Variants in DPYD observed in about 807,000 individuals in gnomAD.
DPYD encodes dihydropyrimidine dehydrogenase [NADP(+)].
A neutral mutation model predicts 116.2 loss-of-function variants in DPYD; 109 were observed. The ratio of observed to expected loss-of-function variants is 0.94; its 90% confidence interval spans 0.80 to 1.10. The LOEUF is 1.10. Ranked by LOEUF, DPYD falls within the 50% of genes least tolerant of loss-of-function variation. The pLI, the probability that DPYD is intolerant of heterozygous loss-of-function variation, is 0.00. For missense variants in DPYD, 1,302 were observed against 1,254.5 expected (o/e 1.04, Z -0.57); for synonymous variants, 440 against 432.0 (o/e 1.02, Z -0.23).
At chr1:97,460,908 G>T (rs972720647) in intron 13 of DPYD, among the ~76,000 whole-genome samples, 1 of 151,878 alleles carries the variant, frequency 6.6e-6, no homozygotes, top group African/African-American at 2.4e-5. Context: ...ATGGTGGCAG[G>T]CCCCTGTAAT....
intron 19 of DPYD, among the ~76,000 whole-genome samples, chr1:97,228,973 G>A (rs553090344): frequency 2.2e-4 from 34 of 151,800 alleles, no homozygotes; most frequent in Non-Finnish European, 2.6e-4. Context: ...CGAGGTGGGC[G>A]GATCACGAGG....
intron 14 of DPYD, among the ~76,000 whole-genome samples, chr1:97,441,727 AT>A (rs1255429202): frequency 1.3e-5 from 2 of 152,096 alleles, no homozygotes; most frequent in Non-Finnish European, 2.9e-5. Context: ...ATAACAGGTA[AT>A]TTTTTATTGA....
Position 97,234,848 on chromosome 1 carries a change from C to A in DPYD, c.2442+4G>T, listed in dbSNP as rs759864629. On this transcript the variant is annotated splice_donor_region_variant and intron_variant, in intron 19 of 22. Coordinates refer to ENST00000370192, the MANE Select transcript of DPYD (RefSeq NM_000110.4). ...TAAAAGGGACAGACAAACACAATGA[C>A]TACCTGGAGGACGGAAGCACCACTA... 1.2e-6 allele frequency: 2 copies of A among 1,613,720 alleles called. No individual in the cohort carries two copies. The highest frequency in any genetic ancestry group is 2.2e-5 in the South Asian group (2 of 91,044).
At chr1:97,401,435 T>C (rs1337530090) in intron 14 of DPYD, among the ~76,000 whole-genome samples, 1 of 152,098 alleles carries the variant, frequency 6.6e-6, no homozygotes, top group African/African-American at 2.4e-5. Flanking sequence ...TGTCTCAGCC[T>C]CCTGAGTAGC....
At chr1:97,415,132 A>G (rs1674220845) in intron 14 of DPYD, among the ~76,000 whole-genome samples, 1 of 150,942 alleles carries the variant, frequency 6.6e-6, no homozygotes, top group Non-Finnish European at 1.5e-5. Context: ...AAAGCAAACA[A>G]AACTCTACAA....
intron 16 of DPYD, chr1:97,322,861 C>T (rs1668381323): frequency 3.9e-5 from 6 of 152,010 alleles, no homozygotes; most frequent in Admixed American, 3.9e-4. Flanking sequence ...GTAAGACATA[C>T]AGCAGCTCTA....
At chr1:97,156,607 T>A (rs1485321708) in intron 20 of DPYD, among the ~76,000 whole-genome samples, 1 of 152,122 alleles carries the variant, frequency 6.6e-6, no homozygotes, top group African/African-American at 2.4e-5. Context: ...CATTAAAAAG[T>A]CAGTAAACAA....
chr1:97,591,184 T>C (rs556958309), intron 10 of DPYD, among the ~76,000 whole-genome samples: 217 of 152,316 alleles, frequency 1.4e-3, no homozygotes, highest in African/African-American at 4.8e-3. Context: ...ATCGGAGAGG[T>C]CTTCCAGGGC....
chr1:97,139,205 C>T (rs1570533040), intron 20 of DPYD, among the ~76,000 whole-genome samples: 1 of 152,058 alleles, frequency 6.6e-6, no homozygotes, highest in Non-Finnish European at 1.5e-5. Context: ...TTCGGTTCAT[C>T]GGTGATGAAC....
In DPYD at chr1:97,753,148, A is replaced by G. The variant is rs1045402168; in HGVS notation, c.234-12669T>C. On this transcript the variant is annotated intron_variant, in intron 3 of 22. Transcript: ENST00000370192. ...CTCATTTAATTTTCATAATCACTCA[A>G]TGAGGTAGATATAAATATTAACTCC... Among the ~76,000 whole-genome samples the G allele has an allele frequency of 2.6e-4, 40 of 152,314 alleles. 1 individual carries two copies. The highest frequency in any genetic ancestry group is 4.1e-4 in the South Asian group (2 of 4,830).
chr1:97,195,458 G>A (rs1395241206), intron 19 of DPYD, among the ~76,000 whole-genome samples: 1 of 146,160 alleles, frequency 6.8e-6, no homozygotes, highest in African/African-American at 2.5e-5. Context: ...ATTGTTGCTA[G>A]GTTGGTTGAG....
chr1:97,202,146 ATGT>A (rs776493368), intron 19 of DPYD, among the ~76,000 whole-genome samples: 3 of 152,132 alleles, frequency 2.0e-5, no homozygotes, highest in Non-Finnish European at 2.9e-5. Context: ...AGCCCCGGAG[ATGT>A]TGTTTTTCAA....
intron 13 of DPYD, among the ~76,000 whole-genome samples, chr1:97,487,448 C>T (rs555475260): frequency 2.0e-4 from 30 of 151,996 alleles, no homozygotes; most frequent in South Asian, 6.2e-4. Flanking sequence ...CCAAGGCGGG[C>T]GGATCACGAG....
chr1:97,257,792 A>G (rs1171026049), intron 18 of DPYD, among the ~76,000 whole-genome samples: 1 of 152,082 alleles, frequency 6.6e-6, no homozygotes, highest in Non-Finnish European at 1.5e-5. Context: ...AGCTGGTGAC[A>G]TAAATAGGAG....
chr1:97,288,407 C>G (rs1185752301), intron 18 of DPYD, among the ~76,000 whole-genome samples: 9 of 151,796 alleles, frequency 5.9e-5, no homozygotes, highest in Non-Finnish European at 8.8e-5. Context: ...CACACCACAC[C>G]TATTCCAAAA....
intron 19 of DPYD, among the ~76,000 whole-genome samples, chr1:97,211,128 C>T (rs7528631): frequency 0.046 from 7,052 of 152,222 alleles, 224 homozygotes; most frequent in African/African-American, 0.094. Flanking sequence ...AAAATGGGAA[C>T]ACTTTCTACA....
At chr1:97,716,906 A>G (rs1353220225) in intron 5 of DPYD, among the ~76,000 whole-genome samples, 1 of 152,038 alleles carries the variant, frequency 6.6e-6, no homozygotes, top group Non-Finnish European at 1.5e-5. Context: ...TTTATCAATT[A>G]CATGAAAAAA....
At chr1:97,713,756 C>A (rs897125232) in intron 5 of DPYD, among the ~76,000 whole-genome samples, 5 of 152,042 alleles carry the variant, frequency 3.3e-5, no homozygotes, top group African/African-American at 1.2e-4. Context: ...CTATATCTTA[C>A]TTCTCTCAGA....
At chr1:97,418,336 T>C (rs529331600) in intron 14 of DPYD, among the ~76,000 whole-genome samples, 1 of 151,220 alleles carries the variant, frequency 6.6e-6, no homozygotes, top group South Asian at 2.1e-4. Context: ...ATGGAGTCTC[T>C]GTCACCCAGG....
Sources: allele counts gnomAD v4.1 joint callset (sites outside exome capture counted in the v4.1 genomes callset), GRCh38; gene constraint gnomAD v4.1.1; transcripts MANE v1.5; gene names NCBI Gene and HGNC (gene_info 2026-07-23, HGNC 2026-07-21).